Variants in AMPH observed in about 807,000 individuals in gnomAD.
AMPH encodes amphiphysin.
In AMPH, 49 loss-of-function variants were observed where a neutral mutation model predicts 99.1. The ratio of observed to expected loss-of-function variants is 0.49; its 90% CI spans 0.39 to 0.63. AMPH has a LOEUF of 0.63. AMPH is among the 20% of genes least tolerant of loss of function. The pLI is 0.00. For missense variants in AMPH, 759 were observed against 863.4 expected, an observed-to-expected ratio of 0.88 and a Z score of 1.52; for synonymous variants, 314 against 317.3, an observed-to-expected ratio of 0.99 and a Z score of 0.11.
chr7:38,575,203 G>A (rs1792192707), intron 1 of AMPH, among the ~76,000 whole-genome samples: 1 of 151,914 alleles, frequency 6.6e-6, no homozygotes, highest in African/African-American at 2.4e-5. Context: ...CCTCCATTGG[G>A]CACTGGGGAT....
chr7:38,422,216 T>C (rs1394468192), intron 16 of AMPH, among the ~76,000 whole-genome samples: 2 of 152,366 alleles, frequency 1.3e-5, no homozygotes, highest in Admixed American at 1.3e-4. Context: ...TTTGCTGGAA[T>C]CACTGTGCCT....
chr7:38,628,732 AATT>A (rs1335583907), intron 1 of AMPH, among the ~76,000 whole-genome samples: 2 of 152,240 alleles, frequency 1.3e-5, no homozygotes, highest in Non-Finnish European at 2.9e-5. Context: ...CGAGTAGTAG[AATT>A]ATGTGCTTCG....
At chr7:38,385,801 T>C (rs1784334552) in intron 20 of AMPH, among the ~76,000 whole-genome samples, 1 of 152,206 alleles carries the variant, frequency 6.6e-6, no homozygotes, top group Admixed American at 6.5e-5. Context: ...GCCCTTGGCT[T>C]CCTGAAGTTA....
chr7:38,406,746 CTCTCT>C (rs1785016154), intron 17 of AMPH, among the ~76,000 whole-genome samples: 1 of 137,992 alleles, frequency 7.2e-6, no homozygotes, highest in African/African-American at 3.0e-5. Flanking sequence ...CTCTCTCTCT[CTCTCT>C]CTCTCTCTCT....
chr7:38,568,200 T>C (rs928007081), intron 1 of AMPH, among the ~76,000 whole-genome samples: 2 of 152,228 alleles, frequency 1.3e-5, no homozygotes, highest in Admixed American at 6.5e-5. Context: ...TAATGTATAC[T>C]TCCTAATATG....
intron 2 of AMPH, among the ~76,000 whole-genome samples, chr7:38,530,387 A>G (rs1024788924): frequency 6.6e-6 from 1 of 152,128 alleles, no homozygotes; most frequent in Non-Finnish European, 1.5e-5. Flanking sequence ...TTAGCCTATC[A>G]CTCAGTCGTG....
In AMPH at chr7:38,419,755, C is replaced by T. The variant is rs747027515; in HGVS notation, c.1273-1805G>A. 9.9e-5 allele frequency among the ~76,000 whole-genome samples: 15 copies of T among 152,276 alleles called. No individual in the cohort carries two copies. In the South Asian group the frequency reaches 1.4e-3, roughly 15 times the overall value. ...ACACCAAGAAATCCACGAGCAGATG[C>T]TGTTCACTGCAAACTGAGTCTACTC... is the stretch of plus-strand genomic sequence containing the variant. On this transcript the variant is annotated intron_variant, in intron 16 of 20. Coordinates refer to ENST00000356264, the MANE Select transcript of AMPH (RefSeq NM_001635.4).
chr7:38,457,780 AT>A (rs1220838676), intron 11 of AMPH, among the ~76,000 whole-genome samples: 20 of 152,352 alleles, frequency 1.3e-4, no homozygotes, highest in Admixed American at 2.0e-4. Flanking sequence ...TAAGGCAAAA[AT>A]AAAAGACAGA....
intron 6 of AMPH, among the ~76,000 whole-genome samples, chr7:38,475,691 A>G (rs1397748251): frequency 1.3e-5 from 2 of 152,222 alleles, no homozygotes; most frequent in Non-Finnish European, 2.9e-5. Flanking sequence ...CCATGTAGAC[A>G]GCTCTGCTAT....
chr7:38,570,165 G>C (rs888011741), intron 1 of AMPH, among the ~76,000 whole-genome samples: 6 of 152,202 alleles, frequency 3.9e-5, no homozygotes, highest in Middle Eastern at 3.4e-3. Flanking sequence ...CTTTTGGTGA[G>C]AAAATAATAC....
intron 1 of AMPH, among the ~76,000 whole-genome samples, chr7:38,552,671 C>A (rs1249399744): frequency 6.6e-6 from 1 of 152,136 alleles, no homozygotes; most frequent in Non-Finnish European, 1.5e-5. Context: ...CTGGGATGCA[C>A]ACATCAGCAC....
intron 1 of AMPH, among the ~76,000 whole-genome samples, chr7:38,579,090 C>T (rs1792351923): frequency 6.6e-6 from 1 of 152,114 alleles, no homozygotes; most frequent in Non-Finnish European, 1.5e-5. Flanking sequence ...CTTGGGCTGC[C>T]CCAGGAGTCC....
chr7:38,605,818 G>T (rs1194083163), intron 1 of AMPH, among the ~76,000 whole-genome samples: 2 of 152,090 alleles, frequency 1.3e-5, no homozygotes, highest in Middle Eastern at 3.2e-3. Flanking sequence ...CTGACCTCAG[G>T]TGATTCACCC....
intron 2 of AMPH, among the ~76,000 whole-genome samples, chr7:38,504,775 G>C (rs996001835): frequency 1.3e-5 from 2 of 152,198 alleles, no homozygotes; most frequent in African/African-American, 4.8e-5. Flanking sequence ...ATGCTGGCAC[G>C]TCAGTCTTGT....
chr7:38,624,486 C>T (rs1282871438), intron 1 of AMPH, among the ~76,000 whole-genome samples: 3 of 151,738 alleles, frequency 2.0e-5, no homozygotes, highest in African/African-American at 7.3e-5. Flanking sequence ...CCTCTGCCCT[C>T]CCGGTTCAAG....
intron 1 of AMPH, among the ~76,000 whole-genome samples, chr7:38,601,187 G>A (rs1192346071): frequency 6.6e-6 from 1 of 152,108 alleles, no homozygotes; most frequent in Non-Finnish European, 1.5e-5. Context: ...GAATGTCCAG[G>A]CATCCAAATG....
chr7:38,524,148 A>C, intron 2 of AMPH, among the ~76,000 whole-genome samples: 1 of 152,132 alleles, frequency 6.6e-6, no homozygotes, highest in Non-Finnish European at 1.5e-5. Flanking sequence ...CCCAGAAGCT[A>C]ATTATTAACA....
intron 11 of AMPH, among the ~76,000 whole-genome samples, chr7:38,447,013 A>T (rs1786810892): frequency 6.7e-6 from 1 of 150,350 alleles, no homozygotes; most frequent in Non-Finnish European, 1.5e-5. Flanking sequence ...CATTTTGGTT[A>T]CTATTTTTTT....
intron 1 of AMPH, among the ~76,000 whole-genome samples, chr7:38,590,142 AACCTTGAGCC>A (rs140745897): frequency 0.027 from 4,112 of 152,216 alleles, 76 homozygotes; most frequent in Middle Eastern, 0.061. Context: ...CAAGGAATGG[AACCTTGAGCC>A]ATGCGGTGAG....
Sources: gnomAD v4.1 joint callset for allele counts (sites outside exome capture counted in the v4.1 genomes callset) on GRCh38, gnomAD v4.1.1 for gene constraint, MANE v1.5 for transcripts, NCBI Gene and HGNC (gene_info 2026-07-23, HGNC 2026-07-21) for gene names.